The following STX8 variants were observed in gnomAD, a reference collection of about 807,000 sequenced individuals.
STX8 encodes the protein syntaxin-8.
STX8 carries 23 observed loss-of-function variants against 37.5 expected under a neutral mutation model. That is an observed-to-expected ratio of 0.61 (90% confidence interval 0.44 to 0.87). The LOEUF is 0.87. Ranked by LOEUF, STX8 falls within the 40% of genes least tolerant of loss-of-function variation. The pLI, the probability that STX8 is intolerant of heterozygous loss-of-function variation, is 0.00. For missense variants in STX8, 313 were observed against 284.7 expected, an observed-to-expected ratio of 1.10 and a Z score of -0.71; for synonymous variants, 115 against 99.1, an observed-to-expected ratio of 1.16 and a Z score of -0.95.
chr17:9,373,097 G>T (rs867899770), intron 7 of STX8, among the ~76,000 whole-genome samples: 45 of 134,540 alleles, frequency 3.3e-4, no homozygotes, highest in African/African-American at 1.2e-3. Context: ...AGAGCAAGAA[G>T]ACTCCATCTC....
chr17:9,524,923 T>A (rs1018408888), intron 4 of STX8, among the ~76,000 whole-genome samples: 22 of 151,796 alleles, frequency 1.4e-4, no homozygotes, highest in African/African-American at 5.3e-4. Flanking sequence ...TTCTCCCACC[T>A]CAGCCTCCCT....
At chr17:9,397,207 C>T (rs905471476) in intron 6 of STX8, among the ~76,000 whole-genome samples, 3 of 152,108 alleles carry the variant, frequency 2.0e-5, no homozygotes, top group African/African-American at 7.2e-5. Context: ...ACCAGCCTGG[C>T]CAACATGGTG....
chr17:9,522,889 T>C (rs1905412584), intron 4 of STX8, among the ~76,000 whole-genome samples: 1 of 152,136 alleles, frequency 6.6e-6, no homozygotes, highest in Non-Finnish European at 1.5e-5. Flanking sequence ...AATGATAATT[T>C]ACAGTTTTTT....
intron 7 of STX8, among the ~76,000 whole-genome samples, chr17:9,326,277 C>T (rs1016255837): frequency 6.6e-6 from 1 of 151,992 alleles, no homozygotes; most frequent in Non-Finnish European, 1.5e-5. Flanking sequence ...ACTACAGGTG[C>T]CTGTCACCAT....
intron 6 of STX8, among the ~76,000 whole-genome samples, chr17:9,459,458 A>C (rs1394430101): frequency 6.6e-6 from 1 of 152,226 alleles, no homozygotes; most frequent in Non-Finnish European, 1.5e-5. Context: ...TGCTGCTGCC[A>C]GGGTGAAGAA....
intron 6 of STX8, among the ~76,000 whole-genome samples, chr17:9,406,806 T>C (rs1057474675): frequency 3.9e-5 from 6 of 152,218 alleles, no homozygotes; most frequent in African/African-American, 1.4e-4. Flanking sequence ...TTTTCCAATA[T>C]GTTTATTGAA....
intron 2 of STX8, among the ~76,000 whole-genome samples, chr17:9,563,195 T>TTATC (rs1322794047): frequency 8.1e-5 from 12 of 147,412 alleles, no homozygotes; most frequent in South Asian, 4.2e-4. Flanking sequence ...ATTTATTTAT[T>TTATC]TATTGAGACA....
chr17:9,515,686 CTAAT>C (rs1179763923), intron 4 of STX8, among the ~76,000 whole-genome samples: 1 of 152,132 alleles, frequency 6.6e-6, no homozygotes, highest in Admixed American at 6.5e-5. Flanking sequence ...CTGCACCTGG[CTAAT>C]TATTTTTATT....
chr17:9,476,140 C>T (rs1906094732), intron 6 of STX8, among the ~76,000 whole-genome samples: 2 of 152,176 alleles, frequency 1.3e-5, no homozygotes, highest in Admixed American at 1.3e-4. Flanking sequence ...GATCGTGCCA[C>T]TGCACTCCAG....
At chr17:9,399,038 G>C (rs1439237836) in intron 6 of STX8, among the ~76,000 whole-genome samples, 3 of 134,164 alleles carry the variant, frequency 2.2e-5, no homozygotes, top group East Asian at 4.5e-4. Context: ...GACAGAGTGA[G>C]ACTCCAGCTC....
At chr17:9,539,256 A>C (rs1384849394) in intron 4 of STX8, among the ~76,000 whole-genome samples, 1 of 290 alleles carries the variant, frequency 3.4e-3, no homozygotes, top group African/African-American at 3.8e-3. Context: ...ATGAGGAAGA[A>C]GAGAAAAGAG....
chr17:9,346,231 C>T (rs1053029560), intron 7 of STX8, among the ~76,000 whole-genome samples: 2 of 152,178 alleles, frequency 1.3e-5, no homozygotes, highest in African/African-American at 4.8e-5. Context: ...AGGGCATTTT[C>T]AACAGGAGAT....
Position 9,378,640 on chromosome 17 carries a change from G to T in STX8, c.555C>A (p.Asp185Glu). The change falls in exon 7 of 8, where the codon GAC (aspartate) becomes GAA (glutamate). Residue 185 changes from aspartate (D) to glutamate (E), a missense_variant. Coordinates refer to ENST00000306357, the MANE Select transcript of STX8 (RefSeq NM_004853.3). The stretch of plus-strand genomic sequence containing the variant: ...CTGTGTTCTCCACTAGGTTGGCAAG[G>T]TCGTCAATTATCTCTAGAAAGGAAA... ...ELDEQNEIIDDLANLVENTDE... is the reference protein window; with the variant it reads ...ELDEQNEIIDELANLVENTDE... The T allele has an allele frequency of 6.2e-7, 1 of 1,613,396 alleles. No individual in the cohort carries two copies. Among genetic ancestry groups the T allele is most frequent in the Non-Finnish European group, 8.5e-7 (1 of 1,179,498 alleles).
At chr17:9,424,441 G>A (rs1913552487) in intron 6 of STX8, among the ~76,000 whole-genome samples, 1 of 152,024 alleles carries the variant, frequency 6.6e-6, no homozygotes, top group Non-Finnish European at 1.5e-5. Context: ...ACCCACTACA[G>A]ACACTCACTC....
chr17:9,510,147 C>T (rs1053679043), intron 4 of STX8, among the ~76,000 whole-genome samples: 4 of 152,102 alleles, frequency 2.6e-5, no homozygotes, highest in East Asian at 1.9e-4. Flanking sequence ...ACATTATTAG[C>T]TCTAAAGGGA....
At chr17:9,540,503 T>C (rs1297134171) in intron 4 of STX8, among the ~76,000 whole-genome samples, 1 of 152,178 alleles carries the variant, frequency 6.6e-6, no homozygotes, top group Non-Finnish European at 1.5e-5. Flanking sequence ...CCAATGGAAG[T>C]GAATGAGAAA....
chr17:9,534,685 G>A (rs963646078), intron 4 of STX8, among the ~76,000 whole-genome samples: 32 of 152,094 alleles, frequency 2.1e-4, no homozygotes, highest in African/African-American at 7.7e-4. Flanking sequence ...CTACTTGGGA[G>A]GCTGAGGCAG....
At position 9,412,272 on chromosome 17, in the gene STX8, A is replaced by ACAG. The variant is rs1404324271; in HGVS notation, c.542-33622_542-33620dup. On this transcript the variant is annotated intron_variant, in intron 6 of 7. Transcript: ENST00000306357. ...CACTTAAAGTGACTTGTAACTAATC[A>ACAG]CAGCAGCAATTTTTTTTTTTTTTTG... 7.9e-5 allele frequency among the ~76,000 whole-genome samples: 12 copies of ACAG among 151,906 alleles called. No individual in the cohort carries two copies. In the South Asian group the frequency reaches 2.1e-3, roughly 26 times the overall value.
chr17:9,341,729 G>A (rs1025339838), intron 7 of STX8, among the ~76,000 whole-genome samples: 8 of 152,180 alleles, frequency 5.3e-5, no homozygotes, highest in Non-Finnish European at 1.2e-4. Context: ...GAGCCACCGC[G>A]CCCGGCCAAG....
Sources: gnomAD v4.1 joint callset for allele counts (sites outside exome capture counted in the v4.1 genomes callset) on GRCh38, gnomAD v4.1.1 for gene constraint, MANE v1.5 for transcripts, NCBI Gene and HGNC (gene_info 2026-07-23, HGNC 2026-07-21) for gene names.